PCYOX1L: variants seen among roughly 807,000 people sequenced by gnomAD.
PCYOX1L encodes the protein prenylcysteine oxidase 1 like, also known as prenylcysteine oxidase 1-like.
PCYOX1L carries 40 observed loss-of-function variants against 44.1 expected under a neutral mutation model. That is an observed-to-expected ratio of 0.91 (90% CI 0.70 to 1.18). The LOEUF is 1.18. PCYOX1L is among the 50% of genes most tolerant of loss of function. The probability of loss-of-function intolerance (pLI) is 0.00; values close to 1 mark genes in which losing one functional copy is unlikely to be tolerated. For missense variants in PCYOX1L, 605 were observed against 653.3 expected, an observed-to-expected ratio of 0.93 and a Z score of 0.81; for synonymous variants, 266 against 282.8, an observed-to-expected ratio of 0.94 and a Z score of 0.60.
chr5:149,362,582 C>G, intron 1 of PCYOX1L, 55 bp from the exon 2 acceptor site: 2 of 1,567,952 alleles, frequency 1.3e-6, no homozygotes, highest in Non-Finnish European at 1.8e-6. Context: ...GAACTACAGC[C>G]TCTCACTCTC....
intron 1 of PCYOX1L, among the ~76,000 whole-genome samples, chr5:149,360,184 T>A (rs1010950288): frequency 6.6e-6 from 1 of 152,234 alleles, no homozygotes; most frequent in African/African-American, 2.4e-5. Flanking sequence ...TGTCTGCCCA[T>A]TCCATGCTGG....
intron 4 of PCYOX1L, among the ~76,000 whole-genome samples, chr5:149,366,702 A>G (rs573194604): frequency 6.6e-6 from 1 of 152,382 alleles, no homozygotes; most frequent in African/African-American, 2.4e-5. Flanking sequence ...TTTGTTAAAT[A>G]AATGAATGCA....
At chr5:149,362,526 A>C in intron 1 of PCYOX1L, 111 bp from the exon 2 acceptor site, 6 of 1,109,864 alleles carry the variant, frequency 5.4e-6, no homozygotes, top group Non-Finnish European at 7.8e-6. Flanking sequence ...TAAGCCTAGG[A>C]AATTTAAGCA....
intron 2 of PCYOX1L, 192 bp from the exon 3 acceptor site, chr5:149,363,844 A>G (rs1758103342): frequency 1.7e-6 from 1 of 590,240 alleles, no homozygotes; most frequent in Non-Finnish European, 2.8e-6. Flanking sequence ...ATGTTACATT[A>G]TTTTCATTTT....
chr5:149,358,128 T>C lies in PCYOX1L; in HGVS notation c.60T>C (p.Ala20=). The C allele has an allele frequency of 6.9e-7, 1 of 1,458,008 alleles. No homozygotes were observed. Among genetic ancestry groups the C allele is most frequent in the Middle Eastern group, 2.4e-4 (1 of 4,132 alleles). The allele number at this position is 1,458,008 out of a possible 1,614,324, so 90.3% of individuals were successfully genotyped here. A position where few individuals can be genotyped will look rare whatever the true frequency, so the allele number is the denominator to read the frequency against. Residue 20 remains alanine (A), a synonymous_variant, in exon 1 of 6, where the codon GCT becomes GCC. Transcript: ENST00000274569. The stretch of plus-strand genomic sequence containing the variant: ...CCGCGCTCCTCGCCGCCGCCGCTGC[T>C]GGCGGAGATGCCCCGCCGGGCAAAA... ...ALTALLAAAA[A]GGDAPPGKIA...
In PCYOX1L at chr5:149,368,084, C is replaced by T. The variant is rs1168346423; in HGVS notation, c.915C>T (p.His305=). ...TCGTGGTCATCGCCACCCCCCTGCA[C>T]CTGGACAACAGCAGCAGCAACTTAA... ...YDIVVIATPL[H]LDNSSSNLTF... Residue 305 remains histidine (H), a synonymous_variant, in exon 6 of 6, where the codon CAC becomes CAT. Transcript: ENST00000274569. The T allele has an allele frequency of 6.2e-7, 1 of 1,610,288 alleles. No individual in the cohort carries two copies. Among genetic ancestry groups the T allele is most frequent in the Non-Finnish European group, 8.5e-7 (1 of 1,178,002 alleles).
At position 149,362,623 on chromosome 5, in the gene PCYOX1L, G is replaced by T; in HGVS notation, c.89-14G>T. 1.9e-6 allele frequency: 3 copies of T among 1,613,674 alleles called. No individual in the cohort carries two copies. The highest frequency in any genetic ancestry group is 2.5e-6 in the Non-Finnish European group (3 of 1,179,982). ...CTGTCTCTCTTCTTCCCTACCTCCCGGGCCTGCTGACAGCGGTGGTTGGGG... is the reference window on the plus strand; with the variant it reads ...CTGTCTCTCTTCTTCCCTACCTCCCTGGCCTGCTGACAGCGGTGGTTGGGG... On this transcript the variant is annotated splice_polypyrimidine_tract_variant and intron_variant, in intron 1 of 5. Coordinates refer to ENST00000274569, the MANE Select transcript of PCYOX1L (RefSeq NM_024028.4).
chr5:149,367,421 G>A lies in PCYOX1L; in HGVS notation c.744G>A (p.Leu248=). ...GGTCTGTGGAAGGAGGCAATAAGCTGGTTTGTTCCGGTTTGCTGAAGCTCA... is the reference window on the plus strand; with the variant it reads ...GGTCTGTGGAAGGAGGCAATAAGCTAGTTTGTTCCGGTTTGCTGAAGCTCA... ...SLWSVEGGNK[L]VCSGLLKLTK... Residue 248 remains leucine (L), a synonymous_variant, in exon 5 of 6, where the codon CTG becomes CTA. Coordinates refer to ENST00000274569, the MANE Select transcript of PCYOX1L (RefSeq NM_024028.4). 1 of 1,613,880 alleles carries A rather than the reference G, an allele frequency of 6.2e-7. No homozygotes were observed. The highest frequency in any genetic ancestry group is 8.5e-7 in the Non-Finnish European group (1 of 1,179,904).
rs182041133 is a variant in PCYOX1L at position 149,368,964 on chromosome 5, A to G, written c.*310A>G. The G allele has an allele frequency of 6.6e-4, 156 of 237,124 alleles. No homozygotes were observed. The highest frequency in any genetic ancestry group is 3.1e-3 in the African/African-American group (140 of 44,696). The allele number at this position is 237,124 out of a possible 1,614,324, so 14.7% of individuals were successfully genotyped here. Reference sequence around the variant, plus strand: ...AGACTTGGTTTCTTAGCTAGAAACCAGAAGACTACGGGAGGGAATATAAGG... The same window carrying G: ...AGACTTGGTTTCTTAGCTAGAAACCGGAAGACTACGGGAGGGAATATAAGG... On this transcript the variant is annotated 3_prime_UTR_variant, in exon 6 of 6. Coordinates refer to ENST00000274569, the MANE Select transcript of PCYOX1L (RefSeq NM_024028.4).
chr5:149,366,090 G>T lies in PCYOX1L; in HGVS notation c.619G>T (p.Asp207Tyr). The T allele has an allele frequency of 1.2e-6, 2 of 1,614,156 alleles. No individual in the cohort carries two copies. Among genetic ancestry groups the T allele is most frequent in the Non-Finnish European group, 8.5e-7 (1 of 1,180,040 alleles). ...GGGCGTCACGCAGCGCTTTATTGAT[G>T]ATGTCGTTTCTGCTGTCCTGCGGGC... The part of the protein sequence containing the change: ...QVGVTQRFID[D>Y]VVSAVLRASY... Residue 207 changes from aspartate (D) to tyrosine (Y), a missense_variant, in exon 4 of 6, where the codon GAT becomes TAT. Physicochemically the swap from Asp to Tyr is radical, Grantham distance 160. Coordinates refer to ENST00000274569, the MANE Select transcript of PCYOX1L (RefSeq NM_024028.4).
rs1446639618 is a variant in PCYOX1L at position 149,358,077 on chromosome 5, C to T, written c.9C>T (p.Arg3=). The change falls in exon 1 of 6, where the codon CGC becomes CGT. Residue 3 remains arginine, a synonymous_variant. Coordinates refer to ENST00000274569, the MANE Select transcript of PCYOX1L (RefSeq NM_024028.4). ...CCCGCTCGCCGCCCGCCATGGCCCG[C>T]GCAGCCCCGCTGCTCGCCGCGTTGA... is the stretch of plus-strand genomic sequence containing the variant. MA[R]AAPLLAALTA... is the part of the protein sequence containing the mutation. 1.4e-5 allele frequency: 20 copies of T among 1,407,184 alleles called. No homozygotes were observed. Among genetic ancestry groups the T allele is most frequent in the South Asian group, 3.0e-5 (2 of 66,568 alleles). 87.2% of individuals were successfully genotyped at this position (1,407,184 alleles called of 1,614,324 possible).
Position 149,368,733 on chromosome 5 carries a change from C to T in PCYOX1L, c.*79C>T. 7.3e-7 allele frequency: 1 copy of T among 1,369,682 alleles called. No homozygotes were observed. The highest frequency in any genetic ancestry group is 9.6e-7 in the Non-Finnish European group (1 of 1,037,440). The allele number at this position is 1,369,682 out of a possible 1,614,324, so 84.8% of individuals were successfully genotyped here. The stretch of plus-strand genomic sequence containing the variant: ...CACAGCAGCCCAGGACTGAATAAGC[C>T]ATGCTCGCCCACCAGGCTTCTTTCT... On this transcript the variant is annotated 3_prime_UTR_variant, in exon 6 of 6. Transcript: ENST00000274569.
rs1226158942 is a variant in PCYOX1L at position 149,358,066 on chromosome 5, G to T, written c.-3G>T. ...CCGGCGTGCTGCCCGCTCGCCGCCC[G>T]CCATGGCCCGCGCAGCCCCGCTGCT... On this transcript the variant is annotated 5_prime_UTR_variant, in exon 1 of 6. Transcript: ENST00000274569. The T allele has an allele frequency of 1.6e-5, 22 of 1,370,064 alleles. No homozygotes were observed. Among genetic ancestry groups the T allele is most frequent in the Non-Finnish European group, 2.1e-5 (22 of 1,064,922 alleles). 84.9% of individuals were successfully genotyped at this position (1,370,064 alleles called of 1,614,324 possible).
chr5:149,367,208 T>C (rs182348632), intron 4 of PCYOX1L, 152 bp from the exon 5 acceptor site: 1 of 893,222 alleles, frequency 1.1e-6, no homozygotes. Flanking sequence ...TGCACTTTGT[T>C]GTACTTACTT....
chr5:149,358,084 C>G lies in PCYOX1L; in HGVS notation c.16C>G (p.Pro6Ala), dbSNP rs564014295. MARAA[P>A]LLAALTALLA... ...GCCGCCCGCCATGGCCCGCGCAGCC[C>G]CGCTGCTCGCCGCGTTGACCGCGCT... is the stretch of plus-strand genomic sequence containing the variant. Residue 6 changes from proline to alanine, a missense_variant, in exon 1 of 6, where the codon CCG becomes GCG. Coordinates refer to ENST00000274569, the MANE Select transcript of PCYOX1L (RefSeq NM_024028.4). 3.1e-5 allele frequency: 45 copies of G among 1,432,204 alleles called. No homozygotes were observed. The highest frequency in any genetic ancestry group is 3.8e-5 in the Non-Finnish European group (42 of 1,094,676). The allele number at this position is 1,432,204 out of a possible 1,614,324, so 88.7% of individuals were successfully genotyped here.
At chr5:149,364,361 C>T (rs1758129001) in intron 3 of PCYOX1L, 151 bp downstream of exon 3, 2 of 892,372 alleles carry the variant, frequency 2.2e-6, no homozygotes, top group Non-Finnish European at 3.3e-6. Context: ...AAGCCCCTGG[C>T]ATGAGGAATG....
At chr5:149,363,468 G>A (rs551381854) in intron 2 of PCYOX1L, 14 of 227,858 alleles carry the variant, frequency 6.1e-5, no homozygotes, top group Non-Finnish European at 1.2e-4. Flanking sequence ...TAGGACCTGG[G>A]GTTAAACAAA....
chr5:149,368,501 C>T lies in PCYOX1L; in HGVS notation c.1332C>T (p.Phe444=). 1 of 1,612,390 alleles carries T rather than the reference C, an allele frequency of 6.2e-7. No homozygotes were observed. The highest frequency in any genetic ancestry group is 8.5e-7 in the Non-Finnish European group (1 of 1,179,080). ...GGTTTGCACTCCATGACCAGCTCTT[C>T]TACCTCAATGCCCTGGAGTGGGCGG... ...LPRFALHDQL[F]YLNALEWAAS... Residue 444 remains phenylalanine, a synonymous_variant, in exon 6 of 6, where the codon TTC becomes TTT. Transcript: ENST00000274569.
chr5:149,367,686 C>T (rs1758263457), intron 5 of PCYOX1L, among the ~76,000 whole-genome samples, 186 bp downstream of exon 5: 1 of 152,216 alleles, frequency 6.6e-6, no homozygotes, highest in Non-Finnish European at 1.5e-5. Flanking sequence ...AGATGTCAGC[C>T]AGAAAGCTGA....
Sources: allele counts gnomAD v4.1 joint callset (sites outside exome capture counted in the v4.1 genomes callset), GRCh38; gene constraint gnomAD v4.1.1; transcripts MANE v1.5; gene names NCBI Gene and HGNC (gene_info 2026-07-23, HGNC 2026-07-21).